GALNT6: variants seen among roughly 807,000 people sequenced by gnomAD.
The protein encoded by GALNT6 is GalNAc transferase 6.
GALNT6 carries 51 observed loss-of-function variants against 65.9 expected under a neutral mutation model. That is an observed-to-expected ratio of 0.77 (90% CI 0.62 to 0.98). GALNT6 has a LOEUF of 0.98. Among genes scored for constraint, GALNT6 ranks in the 50% least tolerant of loss-of-function variants. GALNT6 has a pLI of 0.00. For missense variants in GALNT6, 708 were observed against 803.3 expected, an observed-to-expected ratio of 0.88 and a Z score of 1.43; for synonymous variants, 323 against 315.1, an observed-to-expected ratio of 1.02 and a Z score of -0.26.
intron 9 of GALNT6, among the ~76,000 whole-genome samples, chr12:51,357,816 A>G (rs1946797612): frequency 6.6e-6 from 1 of 152,144 alleles, no homozygotes; most frequent in Admixed American, 6.5e-5. Context: ...GAGAAATGCA[A>G]GTTTTCAGAC....
chr12:51,352,170 C>A lies in GALNT6; in HGVS notation c.*2209G>T, dbSNP rs1163638458. 3.3e-5 allele frequency: 5 copies of A among 152,272 alleles called. No homozygotes were observed. Among genetic ancestry groups the A allele is most frequent in the Non-Finnish European group, 7.3e-5 (5 of 68,076 alleles). 9.4% of individuals were successfully genotyped at this position (152,272 alleles called of 1,614,324 possible). ...CCAGATGAAATTTTAGTCCTCTGCG[C>A]AGCCATGCTCTTCTTCCAGCAAAAG... On this transcript the variant is annotated 3_prime_UTR_variant, in exon 12 of 12. Transcript: ENST00000356317.
chr12:51,374,412 ATC>A, intron 4 of GALNT6, among the ~76,000 whole-genome samples: 1 of 152,280 alleles, frequency 6.6e-6, no homozygotes. Context: ...GCTGCCAAGT[ATC>A]TGTCTTCCCT....
chr12:51,376,190 A>G (rs1947446953), intron 4 of GALNT6, among the ~76,000 whole-genome samples: 1 of 152,110 alleles, frequency 6.6e-6, no homozygotes, highest in Admixed American at 6.5e-5. Context: ...AAGAGGAAAC[A>G]GGTTCAGGGA....
Position 51,360,852 on chromosome 12 carries a change from G to C in GALNT6, c.1050-14C>G. 1 of 1,551,422 alleles carries C rather than the reference G, an allele frequency of 6.4e-7. No homozygotes were observed. The highest frequency in any genetic ancestry group is 1.7e-5 in the Admixed American group (1 of 59,880). ...AACGTCGGGGATCTGGAGAGACAGA[G>C]GGAGAAGTGTGTGCATCTTCTGGGA... On this transcript the variant is annotated splice_polypyrimidine_tract_variant and intron_variant, in intron 6 of 11. Coordinates refer to ENST00000356317, the MANE Select transcript of GALNT6 (RefSeq NM_007210.4).
chr12:51,391,326 G>T lies in GALNT6; in HGVS notation c.-231C>A, dbSNP rs1991432. ...GAGGTCTGGGCTCCTCATTCATCTCGTAAGCGCCAAGGTGGAGGGGGGTCC... is the reference window on the plus strand; with the variant it reads ...GAGGTCTGGGCTCCTCATTCATCTCTTAAGCGCCAAGGTGGAGGGGGGTCC... On this transcript the variant is annotated 5_prime_UTR_variant, in exon 1 of 12. Coordinates refer to ENST00000356317, the MANE Select transcript of GALNT6 (RefSeq NM_007210.4). 75,367 of 152,836 alleles carry T rather than the reference G, an allele frequency of 0.49. 18,894 individuals carry two copies. The highest frequency in any genetic ancestry group is 0.55 in the East Asian group (2,825 of 5,148). The allele number at this position is 152,836 out of a possible 1,614,324, so 9.5% of individuals were successfully genotyped here.
At chr12:51,377,619 A>C (rs533465219) in intron 3 of GALNT6, among the ~76,000 whole-genome samples, 2 of 152,166 alleles carry the variant, frequency 1.3e-5, no homozygotes, top group Non-Finnish European at 2.9e-5. Flanking sequence ...TCAGTGCCCC[A>C]GCTGTGATGC....
At chr12:51,360,861 G>C in intron 6 of GALNT6, 23 bp from the exon 7 acceptor site, 1 of 1,502,030 alleles carries the variant, frequency 6.7e-7, no homozygotes, top group Non-Finnish European at 9.3e-7. Flanking sequence ...AGGGAGAAGT[G>C]TGTGCATCTT....
chr12:51,354,292 A>C lies in GALNT6; in HGVS notation c.*87T>G. ...TTAGAAATCCATCTTTACGGCCTCC[A>C]GAGAAGCTGGTGATCAGGTTCCCAG... is the stretch of plus-strand genomic sequence containing the variant. On this transcript the variant is annotated 3_prime_UTR_variant, in exon 12 of 12. Coordinates refer to ENST00000356317, the MANE Select transcript of GALNT6 (RefSeq NM_007210.4). 5 of 730,470 alleles carry C rather than the reference A, an allele frequency of 6.8e-6. No individual in the cohort carries two copies. The highest frequency in any genetic ancestry group is 1.9e-5 in the African/African-American group (1 of 54,038). 45.2% of individuals were successfully genotyped at this position (730,470 alleles called of 1,614,324 possible).
chr12:51,379,416 C>T lies in GALNT6; in HGVS notation c.366G>A (p.Lys122=). The T allele has an allele frequency of 6.2e-7, 1 of 1,610,338 alleles. No homozygotes were observed. The highest frequency in any genetic ancestry group is 8.5e-7 in the Non-Finnish European group (1 of 1,178,140). ...GGGTCTCCAGGGGGGTCCACTTGCTCTTCTGAAATGCTTTTCCATCTGCCC... is the reference window on the plus strand; with the variant it reads ...GGGTCTCCAGGGGGGTCCACTTGCTTTTCTGAAATGCTTTTCCATCTGCCC... ...APGADGKAFQ[K]SKWTPLETQE... is the part of the protein sequence containing the mutation. The change falls in exon 3 of 12, where the codon AAG becomes AAA. Residue 122 remains lysine (K), a synonymous_variant. Coordinates refer to ENST00000356317, the MANE Select transcript of GALNT6 (RefSeq NM_007210.4).
Position 51,358,223 on chromosome 12 carries a change from C to A in GALNT6, c.1407G>T (p.Arg469Ser). The change falls in exon 9 of 12, where the codon AGG (arginine) becomes AGT (serine). Residue 469 changes from arginine to serine, a missense_variant. By Grantham distance (110) the Arg-to-Ser change is moderately radical (BLOSUM62 -1). Transcript: ENST00000356317. ...FGDISERLQLREQLHCHNFSW... is the reference protein window; with the variant it reads ...FGDISERLQLSEQLHCHNFSW... ...AAAAGTTGTGACAGTGCAGTTGTTC[C>A]CTCAGCTGCAGTCGTTCCGAAATGT... 1 of 1,613,616 alleles carries A rather than the reference C, an allele frequency of 6.2e-7. No homozygotes were observed. Among genetic ancestry groups the A allele is most frequent in the Non-Finnish European group, 8.5e-7 (1 of 1,179,664 alleles).
At chr12:51,373,274 G>T (rs1396184355) in intron 4 of GALNT6, among the ~76,000 whole-genome samples, 1 of 152,178 alleles carries the variant, frequency 6.6e-6, no homozygotes, top group Admixed American at 6.5e-5. Flanking sequence ...ATCTCATCTT[G>T]AGTCGTAGGT....
Position 51,357,331 on chromosome 12 carries a change from G to A in GALNT6, c.1602+18C>T. 1 of 1,509,876 alleles carries A rather than the reference G, an allele frequency of 6.6e-7. No homozygotes were observed. The highest frequency in any genetic ancestry group is 9.2e-7 in the Non-Finnish European group (1 of 1,084,860). 93.5% of individuals were successfully genotyped at this position (1,509,876 alleles called of 1,614,324 possible). A position where few individuals can be genotyped will look rare whatever the true frequency, so the allele number is the denominator to read the frequency against. On this transcript the variant is annotated intron_variant, in intron 10 of 11. Transcript: ENST00000356317. ...CGGTGAGGAGAGGAGATGCTCCGGA[G>A]ATGGGTGGGCTGCATACCTGGTTGC...
intron 6 of GALNT6, among the ~76,000 whole-genome samples, chr12:51,362,006 T>C (rs3782470): frequency 0.87 from 132,318 of 152,134 alleles, 57,753 homozygotes; most frequent in South Asian, 0.95. Context: ...CTTGTCTACC[T>C]GAAGTTGGCT....
At chr12:51,380,213 A>C (rs183108409) in intron 2 of GALNT6, among the ~76,000 whole-genome samples, 78 of 152,306 alleles carry the variant, frequency 5.1e-4, no homozygotes, top group African/African-American at 1.8e-3. Context: ...AAATGAACAC[A>C]GCCTGAGCCA....
intron 7 of GALNT6, among the ~76,000 whole-genome samples, chr12:51,360,422 C>G (rs1332731282): frequency 6.6e-6 from 1 of 152,086 alleles, no homozygotes; most frequent in African/African-American, 2.4e-5. Context: ...TAACCCTTTC[C>G]CACAGACATC....
At chr12:51,368,185 T>C (rs1947172000) in intron 4 of GALNT6, among the ~76,000 whole-genome samples, 4 of 151,754 alleles carry the variant, frequency 2.6e-5, no homozygotes, top group Admixed American at 1.3e-4. Flanking sequence ...GCCAAGGACT[T>C]AATGCACCCG....
intron 6 of GALNT6, among the ~76,000 whole-genome samples, chr12:51,361,696 G>A (rs1227142020): frequency 1.3e-5 from 2 of 152,258 alleles, no homozygotes; most frequent in East Asian, 1.9e-4. Context: ...TTAGGGTATC[G>A]AAGCGGACCC....
In GALNT6 at chr12:51,359,185, A is replaced by G. The variant is rs766575000; in HGVS notation, c.1315T>C (p.Tyr439His). The stretch of plus-strand genomic sequence containing the variant: ...TTTCTCCTATAGAAAATCTTCTTGT[A>G]GCTGTCCATCCAGACCTCTGCCAGG... Reference protein sequence around the residue: ...VRLAEVWMDSYKKIFYRRNLQ... With the variant: ...VRLAEVWMDSHKKIFYRRNLQ... Residue 439 changes from tyrosine to histidine, a missense_variant, in exon 8 of 12, where the codon TAC becomes CAC. By Grantham distance (83) the Tyr-to-His change is moderately conservative. Transcript: ENST00000356317. The G allele has an allele frequency of 6.2e-7, 1 of 1,614,154 alleles. No individual in the cohort carries two copies. The highest frequency in any genetic ancestry group is 1.1e-5 in the South Asian group (1 of 91,080).
chr12:51,355,440 G>C (rs1488333585), intron 11 of GALNT6, among the ~76,000 whole-genome samples: 1 of 152,022 alleles, frequency 6.6e-6, no homozygotes, highest in East Asian at 1.9e-4. Context: ...AGAAAATATA[G>C]AGGGGCCGAT....
Sources: allele counts gnomAD v4.1 joint callset (sites outside exome capture counted in the v4.1 genomes callset), GRCh38; gene constraint gnomAD v4.1.1; transcripts MANE v1.5; gene names NCBI Gene and HGNC (gene_info 2026-07-23, HGNC 2026-07-21).